The following ANKS1B variants were observed in gnomAD, a reference collection of about 807,000 sequenced individuals.
ANKS1B encodes ankyrin repeat and sterile alpha motif domain-containing protein 1B.
ANKS1B carries 36 observed loss-of-function variants against 148.3 expected under a neutral mutation model. That is an observed-to-expected ratio of 0.24 (90% CI 0.19 to 0.32). ANKS1B has a LOEUF of 0.32. Ranked by LOEUF, ANKS1B falls within the 10% of genes least tolerant of loss-of-function variation. ANKS1B has a pLI of 1.00. For synonymous variants in ANKS1B, 542 were observed against 560.8 expected (o/e 0.97, Z 0.47); for missense variants, 1,157 against 1,542.6 (o/e 0.75, Z 4.19).
chr12:99,383,132 A>G (rs2093712022), intron 12 of ANKS1B, among the ~76,000 whole-genome samples: 2 of 152,352 alleles, frequency 1.3e-5, no homozygotes, highest in South Asian at 4.1e-4. Context: ...AGGCAAAGCT[A>G]CAGCACAGCT....
chr12:99,113,675 C>T (rs1182542330), intron 15 of ANKS1B, among the ~76,000 whole-genome samples: 1 of 152,172 alleles, frequency 6.6e-6, no homozygotes, highest in Non-Finnish European at 1.5e-5. Flanking sequence ...CCTTTCTCTT[C>T]ATCCAATAGC....
intron 1 of ANKS1B, among the ~76,000 whole-genome samples, chr12:99,896,562 C>T (rs1381785056): frequency 4.0e-5 from 6 of 151,058 alleles, no homozygotes; most frequent in African/African-American, 1.5e-4. Context: ...TCTTTTTGCT[C>T]TTTAAATATA....
chr12:99,750,649 G>A (rs970393578), intron 8 of ANKS1B, among the ~76,000 whole-genome samples: 1 of 151,972 alleles, frequency 6.6e-6, no homozygotes, highest in Non-Finnish European at 1.5e-5. Flanking sequence ...AAGATAAGTG[G>A]AAATGATGTC....
At chr12:98,963,531 T>G (rs1476870492) in intron 17 of ANKS1B, among the ~76,000 whole-genome samples, 1 of 152,148 alleles carries the variant, frequency 6.6e-6, no homozygotes, top group Non-Finnish European at 1.5e-5. Context: ...TTGACAAGAC[T>G]TAAATCTAAG....
At chr12:99,477,669 T>C (rs902735702) in intron 10 of ANKS1B, among the ~76,000 whole-genome samples, 4 of 152,224 alleles carry the variant, frequency 2.6e-5, no homozygotes, top group African/African-American at 9.6e-5. Context: ...AAATTCTCAA[T>C]GATATCCATT....
At chr12:99,928,712 G>T (rs1371732256) in intron 1 of ANKS1B, among the ~76,000 whole-genome samples, 1 of 152,250 alleles carries the variant, frequency 6.6e-6, no homozygotes, top group Non-Finnish European at 1.5e-5. Flanking sequence ...AAGTAAGAGA[G>T]AATATAAAAA....
chr12:99,661,013 A>C (rs2098474886), intron 8 of ANKS1B, among the ~76,000 whole-genome samples: 1 of 152,106 alleles, frequency 6.6e-6, no homozygotes, highest in African/African-American at 2.4e-5. Flanking sequence ...ACGAAAGCCC[A>C]CCAAGAGTTT....
chr12:99,668,642 T>A, intron 8 of ANKS1B, among the ~76,000 whole-genome samples: 1 of 152,110 alleles, frequency 6.6e-6, no homozygotes, highest in East Asian at 1.9e-4. Flanking sequence ...TTTGTTTTTG[T>A]CATGCTTTGC....
At chr12:98,831,628 G>A (rs1465939167) in intron 18 of ANKS1B, 2 of 159,468 alleles carry the variant, frequency 1.3e-5, no homozygotes, top group Non-Finnish European at 2.8e-5. Flanking sequence ...TGTTTTGATT[G>A]TGTCAAACAA....
At chr12:99,763,211 T>C (rs556993951) in intron 8 of ANKS1B, among the ~76,000 whole-genome samples, 1 of 152,140 alleles carries the variant, frequency 6.6e-6, no homozygotes, top group Non-Finnish European at 1.5e-5. Flanking sequence ...TGCAGCACTT[T>C]TCACAACAGC....
At chr12:99,632,759 ATATATATATT>A (rs1432929549) in intron 9 of ANKS1B, among the ~76,000 whole-genome samples, 2 of 73,224 alleles carry the variant, frequency 2.7e-5, no homozygotes, top group African/African-American at 1.1e-4. Flanking sequence ...ATATATATAT[ATATATATATT>A]TTAATTATAC....
At chr12:99,893,177 G>A (rs961648001) in intron 1 of ANKS1B, among the ~76,000 whole-genome samples, 19 of 152,058 alleles carry the variant, frequency 1.2e-4, no homozygotes, top group Non-Finnish European at 2.8e-4. Flanking sequence ...TTGGGAGGCC[G>A]AGGCGGGCAG....
At chr12:99,549,137 C>T (rs982317489) in intron 9 of ANKS1B, among the ~76,000 whole-genome samples, 2 of 152,080 alleles carry the variant, frequency 1.3e-5, no homozygotes, top group Admixed American at 6.5e-5. Context: ...ATAGGTCATA[C>T]AATAGTTAGA....
At chr12:99,873,808 G>A (rs963120528) in intron 1 of ANKS1B, among the ~76,000 whole-genome samples, 14 of 152,014 alleles carry the variant, frequency 9.2e-5, no homozygotes, top group African/African-American at 3.4e-4. Context: ...TGCAATCTAG[G>A]TAGGCCTCGT....
intron 1 of ANKS1B, among the ~76,000 whole-genome samples, chr12:99,939,601 C>A (rs1430950718): frequency 6.6e-6 from 1 of 152,062 alleles, no homozygotes; most frequent in East Asian, 1.9e-4. Context: ...TAAATATTTT[C>A]ACATAAGGAA....
chr12:99,812,049 G>T, intron 3 of ANKS1B, 106 bp downstream of exon 3: 1 of 1,342,686 alleles, frequency 7.4e-7, no homozygotes. Flanking sequence ...TTCAGCAATG[G>T]AAAGGCCTTT....
intron 12 of ANKS1B, among the ~76,000 whole-genome samples, chr12:99,305,289 C>T (rs2082192398): frequency 6.6e-6 from 1 of 152,048 alleles, no homozygotes; most frequent in Admixed American, 6.6e-5. Flanking sequence ...AGGGGTCAAA[C>T]ATCCAAACTA....
intron 11 of ANKS1B, among the ~76,000 whole-genome samples, chr12:99,408,730 G>A (rs10860431): frequency 0.22 from 31,710 of 145,062 alleles, 7,981 homozygotes; most frequent in East Asian, 0.54. Context: ...TACAAATGGC[G>A]AACCGATATG....
At chr12:99,880,276 C>T (rs376545529) in intron 1 of ANKS1B, among the ~76,000 whole-genome samples, 5 of 152,214 alleles carry the variant, frequency 3.3e-5, no homozygotes, top group Admixed American at 6.5e-5. Context: ...GGGATATCAC[C>T]GTGCCAATTT....
Sources: gnomAD v4.1 joint callset for allele counts (sites outside exome capture counted in the v4.1 genomes callset) on GRCh38, gnomAD v4.1.1 for gene constraint, MANE v1.5 for transcripts, NCBI Gene and HGNC (gene_info 2026-07-23, HGNC 2026-07-21) for gene names.